Variants in AK7 observed in about 807,000 individuals in gnomAD.
The protein encoded by AK7 is adenylate kinase 7, also known as ATP-AMP transphosphorylase 7.
Under a neutral mutation model 96.6 loss-of-function variants are expected in AK7, and 78 were observed. That is an observed-to-expected ratio of 0.81 (90% CI 0.67 to 0.97). The LOEUF is 0.97. Among genes scored for constraint, AK7 ranks in the 50% least tolerant of loss-of-function variants. The pLI is 0.00. For synonymous variants in AK7, 302 were observed against 317.2 expected (o/e 0.95, Z 0.51); for missense variants, 855 against 887.9 (o/e 0.96, Z 0.47).
intron 3 of AK7, among the ~76,000 whole-genome samples, chr14:96,406,125 C>G (rs1424088636): frequency 6.6e-6 from 1 of 151,492 alleles, no homozygotes; most frequent in Non-Finnish European, 1.5e-5. Context: ...ACTGTCTTGG[C>G]TCACTGCAGT....
At position 96,398,245 on chromosome 14, in the gene AK7, T is replaced by G; in HGVS notation, c.276T>G (p.Phe92Leu). The change falls in exon 2 of 18, where the codon TTT (phenylalanine) becomes TTG (leucine). Residue 92 changes from phenylalanine (F) to leucine (L), a missense_variant. Transcript: ENST00000267584. Reference sequence around the variant, plus strand: ...AGCCTGACAGCCCGCGGCCTGACTTTGCGGTGGAGACGTACTCTGTAAGTC... The same window carrying G: ...AGCCTGACAGCCCGCGGCCTGACTTGGCGGTGGAGACGTACTCTGTAAGTC... ...LSKPDSPRPDFAVETYSAISR... is the reference protein window; with the variant it reads ...LSKPDSPRPDLAVETYSAISR... 6 of 1,613,232 alleles carry G rather than the reference T, an allele frequency of 3.7e-6. No individual in the cohort carries two copies. The highest frequency in any genetic ancestry group is 5.1e-6 in the Non-Finnish European group (6 of 1,179,976).
chr14:96,423,770 G>A (rs998658871), intron 5 of AK7: 21 of 733,470 alleles, frequency 2.9e-5, no homozygotes, highest in Non-Finnish European at 4.8e-5. Context: ...GCCGGCCACC[G>A]GGACCCCGAG....
intron 12 of AK7, among the ~76,000 whole-genome samples, chr14:96,466,220 TA>T (rs1337816790): frequency 2.0e-5 from 3 of 151,248 alleles, no homozygotes; most frequent in African/African-American, 7.3e-5. Flanking sequence ...CTAATGTTTT[TA>T]ATTTTTATTA....
chr14:96,467,396 T>C (rs1311118008), intron 12 of AK7, among the ~76,000 whole-genome samples: 4 of 151,576 alleles, frequency 2.6e-5, no homozygotes, highest in Middle Eastern at 3.4e-3. Context: ...AGTGCAATGG[T>C]GCAATCTCGG....
intron 5 of AK7, chr14:96,424,286 G>A (rs1318702056): frequency 9.9e-5 from 41 of 412,218 alleles, no homozygotes; most frequent in Middle Eastern, 1.4e-3. Context: ...GCGGCGACAC[G>A]GGGGTCTCCG....
At chr14:96,454,275 G>A (rs1262845606) in intron 10 of AK7, among the ~76,000 whole-genome samples, 1 of 152,054 alleles carries the variant, frequency 6.6e-6, no homozygotes, top group Non-Finnish European at 1.5e-5. Flanking sequence ...AATTTACCTT[G>A]CAAAATATGG....
chr14:96,470,247 A>G (rs1894810517), intron 12 of AK7, among the ~76,000 whole-genome samples: 1 of 151,700 alleles, frequency 6.6e-6, no homozygotes, highest in African/African-American at 2.4e-5. Flanking sequence ...GGAGGATGAG[A>G]AGGCGGAGAA....
At chr14:96,463,227 A>G (rs971520525) in intron 12 of AK7, among the ~76,000 whole-genome samples, 1 of 152,182 alleles carries the variant, frequency 6.6e-6, no homozygotes, top group Non-Finnish European at 1.5e-5. Context: ...TGACTCATGA[A>G]TTAACATTGC....
intron 12 of AK7, among the ~76,000 whole-genome samples, chr14:96,464,574 AAG>A (rs1476387395): frequency 1.4e-5 from 2 of 148,030 alleles, no homozygotes; most frequent in African/African-American, 4.9e-5. Context: ...AAAAAGGAGA[AAG>A]AGAGAGAATA....
chr14:96,461,477 G>A (rs1894244654), intron 12 of AK7, among the ~76,000 whole-genome samples: 1 of 152,214 alleles, frequency 6.6e-6, no homozygotes, highest in African/African-American at 2.4e-5. Context: ...CAGCTGGGGT[G>A]TAAGGCTAGA....
intron 12 of AK7, among the ~76,000 whole-genome samples, chr14:96,463,777 A>T (rs1015298547): frequency 2.6e-5 from 4 of 151,602 alleles, no homozygotes; most frequent in Admixed American, 1.3e-4. Flanking sequence ...GAATAAATCC[A>T]CCAGCTTGGA....
chr14:96,449,354 G>A (rs557241990), intron 8 of AK7, among the ~76,000 whole-genome samples: 4 of 152,248 alleles, frequency 2.6e-5, no homozygotes, highest in South Asian at 2.1e-4. Flanking sequence ...CACACTCATC[G>A]TTATCTCCAC....
In AK7 at chr14:96,418,322, T is replaced by TAAAAAA. The variant is rs6145458; in HGVS notation, c.499-2490_499-2485dup. On this transcript the variant is annotated intron_variant, in intron 4 of 17. Transcript: ENST00000267584. ...CTGGGCAACAGAGTGAGACCTTGTC[T>TAAAAAA]AAAAAAAAAAAAAAAGGCTTCAAAT... Among the ~76,000 whole-genome samples the TAAAAAA allele has an allele frequency of 1.3e-3, 56 of 41,824 alleles. 8 individuals are homozygous for TAAAAAA. Among genetic ancestry groups the TAAAAAA allele is most frequent in the Admixed American group, 3.4e-3 (10 of 2,968 alleles). The allele number at this position is 41,824 out of a possible 152,430, so 27.4% of individuals were successfully genotyped here.
At chr14:96,411,197 C>G (rs940558476) in intron 4 of AK7, among the ~76,000 whole-genome samples, 1 of 151,960 alleles carries the variant, frequency 6.6e-6, no homozygotes, top group Non-Finnish European at 1.5e-5. Context: ...AATTAAAAAG[C>G]AAAAACTTTA....
intron 2 of AK7, among the ~76,000 whole-genome samples, chr14:96,404,008 G>C (rs1372791903): frequency 1.3e-5 from 2 of 151,988 alleles, no homozygotes; most frequent in Non-Finnish European, 2.9e-5. Flanking sequence ...GCCAGGCATG[G>C]TGGCATGTGC....
At chr14:96,413,839 C>A (rs725917) in intron 4 of AK7, among the ~76,000 whole-genome samples, 2 of 152,030 alleles carry the variant, frequency 1.3e-5, no homozygotes, top group Non-Finnish European at 2.9e-5. Context: ...TGATGCCACC[C>A]CACTGTCTTC....
At chr14:96,424,245 G>A (rs1207170678) in intron 5 of AK7, 4 of 438,194 alleles carry the variant, frequency 9.1e-6, no homozygotes, top group Admixed American at 4.4e-5. Flanking sequence ...GCGCAGCCGG[G>A]AGTGCCGCGG....
chr14:96,431,042 T>G (rs1430291769), intron 5 of AK7, among the ~76,000 whole-genome samples: 2 of 152,182 alleles, frequency 1.3e-5, no homozygotes, highest in African/African-American at 4.8e-5. Context: ...TTCTTCTAGT[T>G]TATTTGTGTA....
rs1773649838 is a variant in AK7, at chr14:96,437,104, C to CA, written c.610-725dup. Among the ~76,000 whole-genome samples, 3 of 151,380 alleles carry CA rather than the reference C, an allele frequency of 2.0e-5. No homozygotes were observed. In the South Asian group the frequency reaches 6.3e-4, roughly 32 times the overall value. ...GGGAGGGAGGGATAGTGAATGAGTA[C>CA]AAAAAATGTTGGAAAGAATGAATAA... On this transcript the variant is annotated intron_variant, in intron 5 of 17. Coordinates refer to ENST00000267584, the MANE Select transcript of AK7 (RefSeq NM_152327.5).
Sources: allele counts gnomAD v4.1 joint callset (sites outside exome capture counted in the v4.1 genomes callset), GRCh38; gene constraint gnomAD v4.1.1; transcripts MANE v1.5; gene names NCBI Gene and HGNC (gene_info 2026-07-23, HGNC 2026-07-21).